The following QSOX2 variants were observed in gnomAD, a reference collection of about 807,000 sequenced individuals.
The protein encoded by QSOX2 is quiescin sulfhydryl oxidase 2.
Under a neutral mutation model 61.7 loss-of-function variants are expected in QSOX2, and 46 were observed. That is an observed-to-expected ratio of 0.75 (90% confidence interval 0.59 to 0.95). The LOEUF (loss-of-function observed/expected upper bound fraction) is 0.95. Ranked by LOEUF, QSOX2 falls within the 40% of genes least tolerant of loss-of-function variation. The pLI, the probability that QSOX2 is intolerant of heterozygous loss-of-function variation, is 0.00. For missense variants in QSOX2, 879 were observed against 918.9 expected, an observed-to-expected ratio of 0.96 and a Z score of 0.56; for synonymous variants, 383 against 388.4, an observed-to-expected ratio of 0.99 and a Z score of 0.16.
At position 136,209,293 on chromosome 9, in the gene QSOX2, C is replaced by T. The variant is rs748563103; in HGVS notation, c.1550-18G>A. 27 of 1,603,914 alleles carry T rather than the reference C, an allele frequency of 1.7e-5. No individual in the cohort carries two copies. The highest frequency in any genetic ancestry group is 1.5e-4 in the African/African-American group (11 of 74,560). On this transcript the variant is annotated intron_variant, in intron 11 of 11. Transcript: ENST00000358701. The surrounding 1 kb of genome is among the most constrained non-coding windows in gnomAD (Gnocchi z 5.6). ...CAGATGGCCTAGGAAGAAAAGGAAGCGGGAGAGCCAGAGGGAAGGAGGCTT... is the reference window on the plus strand; with the variant it reads ...CAGATGGCCTAGGAAGAAAAGGAAGTGGGAGAGCCAGAGGGAAGGAGGCTT...
Position 136,222,045 on chromosome 9 carries a change from A to C in QSOX2, c.676-104T>G. The C allele has an allele frequency of 8.1e-7, 1 of 1,231,182 alleles. No individual in the cohort carries two copies. The highest frequency in any genetic ancestry group is 1.1e-6 in the Non-Finnish European group (1 of 911,464). 76.3% of individuals were successfully genotyped at this position (1,231,182 alleles called of 1,614,324 possible). A position where few individuals can be genotyped will look rare whatever the true frequency, so the allele number is the denominator to read the frequency against. On this transcript the variant is annotated intron_variant, in intron 5 of 11. Transcript: ENST00000358701. The surrounding 1 kb of genome is among the most constrained non-coding windows in gnomAD (Gnocchi z 6.9). ...TGCAGGGAACCTTTCACAAAAGGGCATGAAGTCTGTCCCCCTGCAGGCAAG... is the reference window on the plus strand; with the variant it reads ...TGCAGGGAACCTTTCACAAAAGGGCCTGAAGTCTGTCCCCCTGCAGGCAAG...
At chr9:136,235,279 C>T (rs568786193) in intron 1 of QSOX2, among the ~76,000 whole-genome samples, 2 of 152,354 alleles carry the variant, frequency 1.3e-5, no homozygotes, top group South Asian at 2.1e-4. Flanking sequence ...ACCAACATGC[C>T]CACTCAAAGG....
rs782198389 is a variant in QSOX2 at position 136,245,585 on chromosome 9, C to T, written c.219G>A (p.Gly73=). ...VWVLDSGSVR[G]ATANSSAAWL... ...ACGCGGCCGAGCTGTTGGCGGTGGCCCCGCGCACGCTGCCGCTGTCCAGCA... is the reference window on the plus strand; with the variant it reads ...ACGCGGCCGAGCTGTTGGCGGTGGCTCCGCGCACGCTGCCGCTGTCCAGCA... Residue 73 remains glycine (G), a synonymous_variant, in exon 1 of 12, where the codon GGG becomes GGA. Coordinates refer to ENST00000358701, the MANE Select transcript of QSOX2 (RefSeq NM_181701.4). 8.9e-6 allele frequency: 14 copies of T among 1,576,072 alleles called. No individual in the cohort carries two copies. Among genetic ancestry groups the T allele is most frequent in the Admixed American group, 1.7e-5 (1 of 58,072 alleles).
rs143295068 is a variant in QSOX2, at chr9:136,244,515, A to G, written c.328+961T>C. 2.6e-5 allele frequency among the ~76,000 whole-genome samples: 4 copies of G among 152,382 alleles called. No individual in the cohort carries two copies. In the East Asian group the frequency reaches 7.7e-4, roughly 29 times the overall value. ...AAACAAAGGTGCAGGAAGAAAGAGT[A>G]GCAATTTGTTACAGATCTTGCCCAC... On this transcript the variant is annotated intron_variant, in intron 1 of 11. Transcript: ENST00000358701.
At chr9:136,216,806 G>C (rs558921215) in intron 8 of QSOX2, 84 bp from the exon 9 acceptor site, 1 of 1,532,900 alleles carries the variant, frequency 6.5e-7, no homozygotes, top group South Asian at 1.2e-5. Flanking sequence ...CCTCCAAAGA[G>C]AAGCACTCCA....
intron 1 of QSOX2, 70 bp downstream of exon 1, chr9:136,245,406 C>A: frequency 7.6e-7 from 1 of 1,324,084 alleles, no homozygotes; most frequent in African/African-American, 1.5e-5. Context: ...CCTTCTGGGG[C>A]GGTCGCAAGG....
Position 136,224,088 on chromosome 9 carries a change from A to T in QSOX2, c.503T>A (p.Val168Asp). The stretch of plus-strand genomic sequence containing the variant: ...CAGGAAGTCAATCATCGTCTGTCTG[A>T]CTGTTCGCAGCTCTCGGTCAGGTCC... Reference protein sequence around the residue: ...FKGPDRELRTVRQTMIDFLQN... With the variant: ...FKGPDRELRTDRQTMIDFLQN... The change falls in exon 4 of 12, where the codon GTC becomes GAC. Residue 168 changes from valine to aspartate, a missense_variant. Coordinates refer to ENST00000358701, the MANE Select transcript of QSOX2 (RefSeq NM_181701.4). 6.2e-7 allele frequency: 1 copy of T among 1,613,476 alleles called. No individual in the cohort carries two copies. Among genetic ancestry groups the T allele is most frequent in the East Asian group, 2.2e-5 (1 of 44,846 alleles).
chr9:136,225,300 C>T (rs1444318162), intron 2 of QSOX2, among the ~76,000 whole-genome samples: 1 of 152,180 alleles, frequency 6.6e-6, no homozygotes, highest in Non-Finnish European at 1.5e-5. Context: ...GGAGACACCA[C>T]GCAGTATCTC....
chr9:136,230,863 G>A lies in QSOX2; in HGVS notation c.329-3989C>T, dbSNP rs10119307. Among the ~76,000 whole-genome samples, 1,089 of 152,168 alleles carry A rather than the reference G, an allele frequency of 7.2e-3. 12 individuals carry two copies. Among genetic ancestry groups the A allele is most frequent in the African/African-American group, 0.025 (1,034 of 41,498 alleles). ...CCAGCCATGCACAGGCCTGACCTCCGTCCCACCACCCCTGGGCCTCTGCCC... is the reference window on the plus strand; with the variant it reads ...CCAGCCATGCACAGGCCTGACCTCCATCCCACCACCCCTGGGCCTCTGCCC... On this transcript the variant is annotated intron_variant, in intron 1 of 11. Transcript: ENST00000358701.
Position 136,219,175 on chromosome 9 carries a change from G to C in QSOX2, c.822-11C>G. 1 of 1,611,326 alleles carries C rather than the reference G, an allele frequency of 6.2e-7. No homozygotes were observed. ...CGCAGAGGCTTCACGCTGTGAGAGA[G>C]GGGAGGGCAAAGGTGAGAAGAGCCT... On this transcript the variant is annotated splice_polypyrimidine_tract_variant and intron_variant, in intron 6 of 11. Transcript: ENST00000358701.
rs987521422 is a variant in QSOX2, at chr9:136,215,313, C to A, written c.1210-9G>T. 3 of 1,590,220 alleles carry A rather than the reference C, an allele frequency of 1.9e-6. No homozygotes were observed. Among genetic ancestry groups the A allele is most frequent in the Admixed American group, 1.8e-5 (1 of 56,096 alleles). ...AGGAATATTCCAGAAATCTGAAAAA[C>A]AAACAAACAAAAAAACCCCAAAGAA... On this transcript the variant is annotated splice_polypyrimidine_tract_variant and intron_variant, in intron 9 of 11. Coordinates refer to ENST00000358701, the MANE Select transcript of QSOX2 (RefSeq NM_181701.4).
rs577837363 is a variant in QSOX2, at chr9:136,209,546, C to T, written c.1550-271G>A. On this transcript the variant is annotated intron_variant, in intron 11 of 11. Coordinates refer to ENST00000358701, the MANE Select transcript of QSOX2 (RefSeq NM_181701.4). The surrounding 1 kb of genome is among the most constrained non-coding windows in gnomAD (Gnocchi z 5.6). Reference sequence around the variant, plus strand: ...GAGGAGACGCTACACGCTCGGCCTCCGCCACTTCCCAGACCACACCTGTCC... The same window carrying T: ...GAGGAGACGCTACACGCTCGGCCTCTGCCACTTCCCAGACCACACCTGTCC... The T allele has an allele frequency of 1.3e-5, 13 of 985,394 alleles. No individual in the cohort carries two copies. Among genetic ancestry groups the T allele is most frequent in the African/African-American group, 3.5e-5 (2 of 57,368 alleles). 61.0% of individuals were successfully genotyped at this position (985,394 alleles called of 1,614,324 possible).
intron 1 of QSOX2, among the ~76,000 whole-genome samples, chr9:136,232,861 C>T (rs142016287): frequency 3.1e-4 from 40 of 127,088 alleles, no homozygotes; most frequent in Non-Finnish European, 5.1e-4. Context: ...GTCAAGGCTG[C>T]GGTGAGCCGA....
At chr9:136,244,888 C>T (rs1271537050) in intron 1 of QSOX2, among the ~76,000 whole-genome samples, 1 of 152,184 alleles carries the variant, frequency 6.6e-6, no homozygotes, top group Non-Finnish European at 1.5e-5. Context: ...ATAGAGAAGT[C>T]TCCAGAGTAT....
At chr9:136,241,778 G>A (rs920637864) in intron 1 of QSOX2, among the ~76,000 whole-genome samples, 4 of 152,218 alleles carry the variant, frequency 2.6e-5, no homozygotes, top group African/African-American at 7.2e-5. Context: ...AAGCGTTCCC[G>A]CCCTCCTGAG....
chr9:136,232,717 TG>T (rs1252506364), intron 1 of QSOX2, among the ~76,000 whole-genome samples: 1 of 151,964 alleles, frequency 6.6e-6, no homozygotes, highest in East Asian at 1.9e-4. Context: ...GTGGATCACT[TG>T]AGCCCAGGAG....
intron 1 of QSOX2, among the ~76,000 whole-genome samples, chr9:136,238,771 G>A (rs73560729): frequency 0.012 from 1,845 of 152,368 alleles, 27 homozygotes; most frequent in African/African-American, 0.042. Flanking sequence ...TCAGGAAGAA[G>A]ACAAGCACCG....
chr9:136,234,601 C>G (rs936932427), intron 1 of QSOX2, among the ~76,000 whole-genome samples: 12 of 152,196 alleles, frequency 7.9e-5, no homozygotes, highest in Admixed American at 5.9e-4. Flanking sequence ...AGAGCTAGCA[C>G]GCTGGCACCC....
In QSOX2 at chr9:136,219,281, G is replaced by A. The variant is rs1831953336; in HGVS notation, c.822-117C>T. ...CCTTTCATCCTTTGGGCATTTATTG[G>A]GGCATGGGAGTCAGTGGGAACAGCT... On this transcript the variant is annotated intron_variant, in intron 6 of 11. Transcript: ENST00000358701. 4 of 1,276,782 alleles carry A rather than the reference G, an allele frequency of 3.1e-6. No homozygotes were observed. The East Asian group carries it at 7.4e-5, about 24-fold the overall frequency. The allele number at this position is 1,276,782 out of a possible 1,614,324, so 79.1% of individuals were successfully genotyped here.
Sources: gnomAD v4.1 joint callset for allele counts (sites outside exome capture counted in the v4.1 genomes callset) on GRCh38, gnomAD v4.1.1 for gene constraint, Gnocchi (gnomAD v3.1) non-coding constraint, MANE v1.5 for transcripts, NCBI Gene and HGNC (gene_info 2026-07-23, HGNC 2026-07-21) for gene names.